Variants in ISLR2 observed in about 807,000 individuals in gnomAD.
The protein encoded by ISLR2 is immunoglobulin superfamily containing leucine rich repeat 2, also known as immunoglobulin superfamily containing leucine-rich repeat protein 2.
A neutral mutation model predicts 25.5 loss-of-function variants in ISLR2; 16 were observed. That is an observed-to-expected ratio of 0.63 (90% CI 0.43 to 0.95). The LOEUF (loss-of-function observed/expected upper bound fraction) is 0.95, where lower values mean the gene tolerates loss of function less well. Ranked by LOEUF, ISLR2 falls within the 40% of genes least tolerant of loss-of-function variation. The pLI, the probability that ISLR2 is intolerant of heterozygous loss-of-function variation, is 0.00. For missense variants in ISLR2, 883 were observed against 1,030.7 expected, an observed-to-expected ratio of 0.86 and a Z score of 1.96; for synonymous variants, 508 against 486.6, an observed-to-expected ratio of 1.04 and a Z score of -0.58.
chr15:74,110,477 G>C (rs1436073706), intron 2 of ISLR2, among the ~76,000 whole-genome samples: 1 of 152,164 alleles, frequency 6.6e-6, no homozygotes, highest in African/African-American at 2.4e-5. Flanking sequence ...CCCAATAGGT[G>C]AATGGTAAAG....
upstream of ISLR2, chr15:74,126,918 G>C (rs1289437447): frequency 6.8e-6 from 1 of 146,064 alleles, no homozygotes; most frequent in Admixed American, 6.8e-5. Flanking sequence ...GTGTGTGTGT[G>C]TGTGTGTGTG....
In ISLR2 at chr15:74,134,885, G is replaced by A. The variant is rs748295412; in HGVS notation, c.2131G>A (p.Glu711Lys). 10 of 1,614,098 alleles carry A rather than the reference G, an allele frequency of 6.2e-6. No individual in the cohort carries two copies. ...GGAGTCCCAGTCCAAGGCCAACCAA[G>A]AGGAGTTCGAGGCGGGCTCTGAGTA... Reference protein sequence around the residue: ...LVESQSKANQEEFEAGSEYSD... With the variant: ...LVESQSKANQKEFEAGSEYSD... The change falls in exon 3 of 3, where the codon GAG (glutamate) becomes AAG (lysine). Residue 711 changes from glutamate to lysine, a missense_variant. Physicochemically the swap from Glu to Lys is moderately conservative, Grantham distance 56. Transcript: ENST00000453268.
In ISLR2 at chr15:74,134,290, G is replaced by A. The variant is rs1229587440; in HGVS notation, c.1536G>A (p.Gly512=). ...LTPLAARWGP[G]PGGAGGAPRP... ...CGCTGGCTGCGCGCTGGGGCCCTGGGCCCGGCGGGGCTGGCGGAGCCCCGC... is the reference window on the plus strand; with the variant it reads ...CGCTGGCTGCGCGCTGGGGCCCTGGACCCGGCGGGGCTGGCGGAGCCCCGC... Residue 512 remains glycine (G), a synonymous_variant, in exon 3 of 3, where the codon GGG becomes GGA. Transcript: ENST00000453268. 1.9e-6 allele frequency: 3 copies of A among 1,540,964 alleles called. No individual in the cohort carries two copies. The highest frequency in any genetic ancestry group is 4.9e-5 in the East Asian group (2 of 40,988).
At chr15:74,116,947 A>G (rs558013950) in intron 2 of ISLR2, among the ~76,000 whole-genome samples, 1 of 152,288 alleles carries the variant, frequency 6.6e-6, no homozygotes, top group South Asian at 2.1e-4. Context: ...TTCTAAGCAT[A>G]CTCATATCAA....
Position 74,132,983 on chromosome 15 carries a change from G to T in ISLR2, c.229G>T (p.Val77Phe). ...CGGGGCCTTCGCCGACGTCACACAG[G>T]TCACGTCGCTGTGGCTGGCGCACAA... ...RRGAFADVTQVTSLWLAHNEV... is the reference protein window; with the variant it reads ...RRGAFADVTQFTSLWLAHNEV... Residue 77 changes from valine to phenylalanine, a missense_variant, in exon 3 of 3, where the codon GTC becomes TTC. Transcript: ENST00000453268. The surrounding 1 kb of genome is among the most constrained non-coding windows in gnomAD (Gnocchi z 4.3). 2 of 1,613,970 alleles carry T rather than the reference G, an allele frequency of 1.2e-6. No homozygotes were observed. The highest frequency in any genetic ancestry group is 1.7e-6 in the Non-Finnish European group (2 of 1,179,958).
At position 74,133,929 on chromosome 15, in the gene ISLR2, C is replaced by T. The variant is rs144753031; in HGVS notation, c.1175C>T (p.Ala392Val). Residue 392 changes from alanine (A) to valine (V), a missense_variant, in exon 3 of 3, where the codon GCC becomes GTC. Ala to Val is a moderately conservative substitution (Grantham distance 64, BLOSUM62 0). Around this residue, in one of 2 missense-constraint regions of ISLR2, gnomAD observed 612 missense variants for 642.8 expected, o/e 0.95. Transcript: ENST00000453268. Reference sequence around the variant, plus strand: ...GCCGGGGGAGAACCCGACGGACAGGCCCCGACCTCTGAGCGCAAGTCCACA... The same window carrying T: ...GCCGGGGGAGAACCCGACGGACAGGTCCCGACCTCTGAGCGCAAGTCCACA... ...PGAGGEPDGQ[A>V]PTSERKSTAK... The T allele has an allele frequency of 1.3e-3, 2,081 of 1,603,692 alleles. No individual in the cohort carries two copies. Among genetic ancestry groups the T allele is most frequent in the Non-Finnish European group, 1.7e-3 (1,997 of 1,175,414 alleles).
upstream of ISLR2, chr15:74,128,209 C>T (rs566464127): frequency 1.2e-4 from 39 of 318,844 alleles, no homozygotes; most frequent in African/African-American, 8.6e-4. Flanking sequence ...ATCCAGAAGT[C>T]GCGGCTCCCA....
intron 2 of ISLR2, among the ~76,000 whole-genome samples, chr15:74,113,519 T>A (rs1487652761): frequency 6.6e-6 from 1 of 152,214 alleles, no homozygotes; most frequent in Admixed American, 6.5e-5. Context: ...ACACATCTAG[T>A]ATTTCTTGAG....
intron 2 of ISLR2, among the ~76,000 whole-genome samples, chr15:74,105,686 AGT>A (rs1374582312): frequency 6.6e-6 from 1 of 151,538 alleles, no homozygotes; most frequent in Non-Finnish European, 1.5e-5. Context: ...CATGTGGAGC[AGT>A]GCCATCCCTC....
chr15:74,132,611 C>A lies in ISLR2; in HGVS notation c.-8-136C>A. On this transcript the variant is annotated intron_variant, in intron 2 of 2. Coordinates refer to ENST00000453268, the MANE Select transcript of ISLR2 (RefSeq NM_020851.3). This position sits in a 1 kb window ranked among gnomAD's most constrained non-coding sequence, Gnocchi z 4.3. ...TTTATTGACCTTCACTTCAGAGAGG[C>A]TCCTGGCCATAGAGGAGGTTACCGG... The A allele has an allele frequency of 8.1e-7, 1 of 1,228,790 alleles. No individual in the cohort carries two copies. Among genetic ancestry groups the A allele is most frequent in the Non-Finnish European group, 1.1e-6 (1 of 910,544 alleles). The allele number at this position is 1,228,790 out of a possible 1,614,324, so 76.1% of individuals were successfully genotyped here.
chr15:74,113,536 G>A (rs1413972852), intron 2 of ISLR2, among the ~76,000 whole-genome samples: 1 of 152,192 alleles, frequency 6.6e-6, no homozygotes, highest in Non-Finnish European at 1.5e-5. Context: ...TGAGCTGTTG[G>A]ACGTTGTGAA....
chr15:74,111,138 T>TAAA (rs764782225), intron 2 of ISLR2, among the ~76,000 whole-genome samples: 32 of 60,648 alleles, frequency 5.3e-4, no homozygotes, highest in African/African-American at 1.0e-3. Context: ...AGACTCCATC[T>TAAA]AAAAAAAAAA....
rs2072517734 is a variant in ISLR2 at position 74,134,430 on chromosome 15, G to A, written c.1676G>A (p.Arg559Gln). ...AACGCCTACTGGTTCCGCGGCCTGCGGCCGGGTACCAACTACTCCGTGTGC... is the reference window on the plus strand; with the variant it reads ...AACGCCTACTGGTTCCGCGGCCTGCAGCCGGGTACCAACTACTCCGTGTGC... ...GVNAYWFRGL[R>Q]PGTNYSVCLA... Residue 559 changes from arginine (R) to glutamine (Q), a missense_variant, in exon 3 of 3, where the codon CGG becomes CAG. This residue lies in a region of ISLR2 where 612 missense variants were observed against 642.8 expected (regional missense o/e 0.95). Transcript: ENST00000453268. The A allele has an allele frequency of 2.5e-6, 4 of 1,611,206 alleles. No homozygotes were observed. Among genetic ancestry groups the A allele is most frequent in the East Asian group, 2.2e-5 (1 of 44,838 alleles).
At chr15:74,106,602 G>A (rs2072121736) in intron 2 of ISLR2, among the ~76,000 whole-genome samples, 1 of 152,052 alleles carries the variant, frequency 6.6e-6, no homozygotes, top group South Asian at 2.1e-4. Flanking sequence ...TCCACTGATG[G>A]GATATAAGTG....
upstream of ISLR2, chr15:74,126,871 G>C (rs1290395452): frequency 1.6e-4 from 24 of 152,256 alleles, no homozygotes; most frequent in Admixed American, 1.6e-3. Flanking sequence ...GCAGCTTCTT[G>C]AGGGTGTGGG....
downstream of ISLR2, among the ~76,000 whole-genome samples, chr15:74,139,545 T>C (rs2072599479): frequency 6.6e-6 from 1 of 152,306 alleles, no homozygotes; most frequent in South Asian, 2.1e-4. Flanking sequence ...CTTATACTTA[T>C]CCAGAGATGG....
chr15:74,102,917 C>T (rs1455767549), intron 1 of ISLR2, among the ~76,000 whole-genome samples: 2 of 151,332 alleles, frequency 1.3e-5, no homozygotes, highest in African/African-American at 4.9e-5. Flanking sequence ...AAGCAATTCT[C>T]CTGCCTCAGC....
upstream of ISLR2, chr15:74,128,191 G>C: frequency 3.2e-6 from 1 of 316,804 alleles, no homozygotes; most frequent in South Asian, 2.6e-5. Context: ...AGCTGAGCTC[G>C]GAGGCAGATC....
chr15:74,130,843 T>C (rs1030843179), intron 1 of ISLR2, among the ~76,000 whole-genome samples: 1 of 151,074 alleles, frequency 6.6e-6, no homozygotes, highest in Non-Finnish European at 1.5e-5. Flanking sequence ...GGGGAGGTGG[T>C]GTGATCAGGG....
Sources: gnomAD v4.1 joint callset for allele counts (sites outside exome capture counted in the v4.1 genomes callset) on GRCh38, gnomAD v4.1.1 for gene constraint, gnomAD v4.1.1 regional missense constraint, Gnocchi (gnomAD v3.1) non-coding constraint, MANE v1.5 for transcripts, NCBI Gene and HGNC (gene_info 2026-07-23, HGNC 2026-07-21) for gene names.